The following QTMAN variants were observed in gnomAD, a reference collection of about 807,000 sequenced individuals.
QTMAN encodes the protein queuosine-tRNA mannosyltransferase.
chr2:144,281,648 T>C, the QTMAN span, among the ~76,000 whole-genome samples: 2 of 151,858 alleles, frequency 1.3e-5, no homozygotes, highest in Non-Finnish European at 2.9e-5. Flanking sequence ...GCTATTAGAG[T>C]GGGTGGGTCC....
chr2:144,246,998 A>C, the QTMAN span, among the ~76,000 whole-genome samples: 135 of 152,366 alleles, frequency 8.9e-4, no homozygotes, highest in African/African-American at 3.1e-3. Context: ...ATTATCAATC[A>C]AGTGAGAAAA....
chr2:144,268,703 GAATA>G, the QTMAN span, among the ~76,000 whole-genome samples: 1 of 152,186 alleles, frequency 6.6e-6, no homozygotes, highest in Non-Finnish European at 1.5e-5. Context: ...TCCTTTGTGT[GAATA>G]AATTACATAT....
chr2:144,103,935 A>T, the QTMAN span, among the ~76,000 whole-genome samples: 1 of 151,998 alleles, frequency 6.6e-6, no homozygotes, highest in Non-Finnish European at 1.5e-5. Context: ...ACTAAAAATT[A>T]AAAAATTAGC....
the QTMAN span, among the ~76,000 whole-genome samples, chr2:143,953,884 C>T: frequency 6.6e-6 from 1 of 151,806 alleles, no homozygotes; most frequent in African/African-American, 2.4e-5. Flanking sequence ...TGACGAAGTA[C>T]ATGAAACTTA....
chr2:144,079,642 C>T, the QTMAN span, among the ~76,000 whole-genome samples: 1 of 151,906 alleles, frequency 6.6e-6, no homozygotes, highest in Admixed American at 6.6e-5. Context: ...TAAAGACAGC[C>T]TTATAATGAA....
chr2:144,213,940 G>A, the QTMAN span, among the ~76,000 whole-genome samples: 3 of 152,002 alleles, frequency 2.0e-5, no homozygotes, highest in African/African-American at 7.2e-5. Context: ...TATATAAAAA[G>A]CAACCAACAA....
the QTMAN span, among the ~76,000 whole-genome samples, chr2:143,961,166 A>G: frequency 6.6e-6 from 1 of 152,146 alleles, no homozygotes; most frequent in Non-Finnish European, 1.5e-5. Context: ...AGCCAAGGAG[A>G]GATATAGCTG....
At chr2:144,010,427 A>C in the QTMAN span, among the ~76,000 whole-genome samples, 6 of 152,140 alleles carry the variant, frequency 3.9e-5, no homozygotes, top group Non-Finnish European at 7.4e-5. Flanking sequence ...CAGCAATCAA[A>C]ACAGCTTACA....
the QTMAN span, among the ~76,000 whole-genome samples, chr2:144,228,913 G>A: frequency 1.1e-4 from 16 of 151,912 alleles, no homozygotes; most frequent in African/African-American, 2.2e-4. Context: ...AGCCAAGATC[G>A]CGCCACTGCA....
At chr2:144,017,011 CT>C in the QTMAN span, among the ~76,000 whole-genome samples, 229 of 146,480 alleles carry the variant, frequency 1.6e-3, no homozygotes, top group South Asian at 0.012. Context: ...CCAAATGTTA[CT>C]TTTTTTTTTT....
chr2:144,117,895 G>C, the QTMAN span, among the ~76,000 whole-genome samples: 8 of 151,864 alleles, frequency 5.3e-5, no homozygotes, highest in African/African-American at 1.9e-4. Flanking sequence ...GCCCAGGCTG[G>C]AGTGCAGTGG....
At chr2:144,225,857 A>G in the QTMAN span, among the ~76,000 whole-genome samples, 1 of 152,202 alleles carries the variant, frequency 6.6e-6, no homozygotes, top group African/African-American at 2.4e-5. Context: ...GTTATACAGT[A>G]TATGTGTGTG....
the QTMAN span, among the ~76,000 whole-genome samples, chr2:143,962,289 GTT>G: frequency 6.6e-6 from 1 of 152,058 alleles, no homozygotes; most frequent in Non-Finnish European, 1.5e-5. Flanking sequence ...TGGAGAAAGG[GTT>G]TGACTGTGTC....
At chr2:144,315,448 C>T in the QTMAN span, among the ~76,000 whole-genome samples, 1 of 152,154 alleles carries the variant, frequency 6.6e-6, no homozygotes, top group Non-Finnish European at 1.5e-5. Flanking sequence ...CTTGGGAAGC[C>T]ATTACCTGAA....
the QTMAN span, among the ~76,000 whole-genome samples, chr2:144,114,545 C>T: frequency 6.6e-6 from 1 of 152,182 alleles, no homozygotes; most frequent in South Asian, 2.1e-4. Flanking sequence ...ACTTTCAATG[C>T]CCTTGAGTAT....
the QTMAN span, chr2:144,145,660 G>C: frequency 2.0e-5 from 32 of 1,611,524 alleles, no homozygotes; most frequent in East Asian, 6.9e-4. Context: ...TGAAAATACA[G>C]AATCTTTTTC....
At chr2:144,326,364 G>T in the QTMAN span, among the ~76,000 whole-genome samples, 1 of 152,138 alleles carries the variant, frequency 6.6e-6, no homozygotes, top group East Asian at 1.9e-4. Context: ...GAGGCGGGCG[G>T]ATCATGAGGT....
chr2:144,310,144 G>T, the QTMAN span, among the ~76,000 whole-genome samples: 2 of 152,228 alleles, frequency 1.3e-5, no homozygotes, highest in African/African-American at 4.8e-5. Context: ...CACTAGAGAT[G>T]CAACATCTCA....
At chr2:143,991,198 A>C in the QTMAN span, among the ~76,000 whole-genome samples, 1 of 152,230 alleles carries the variant, frequency 6.6e-6, no homozygotes, top group Non-Finnish European at 1.5e-5. Flanking sequence ...TGAAGATATT[A>C]TGGTAAATGT....
Sources: gnomAD v4.1 joint callset for allele counts (sites outside exome capture counted in the v4.1 genomes callset) on GRCh38, gnomAD v4.1.1 for gene constraint, MANE v1.5 for transcripts, NCBI Gene and HGNC (gene_info 2026-07-23, HGNC 2026-07-21) for gene names.